The following OSBPL11 variants were observed in gnomAD, a reference collection of about 807,000 sequenced individuals.
The protein encoded by OSBPL11 is oxysterol-binding protein-related protein 11.
A neutral mutation model predicts 84.4 loss-of-function variants in OSBPL11; 33 were observed. That is an observed-to-expected ratio of 0.39 (90% CI 0.30 to 0.52). OSBPL11 has a LOEUF of 0.52. OSBPL11 is among the 20% of genes least tolerant of loss of function. The pLI is 0.72. For missense variants in OSBPL11, 736 were observed against 901.1 expected, an observed-to-expected ratio of 0.82 and a Z score of 2.35; for synonymous variants, 276 against 310.2, an observed-to-expected ratio of 0.89 and a Z score of 1.16.
chr3:125,554,568 C>A (rs1489411844), intron 8 of OSBPL11, among the ~76,000 whole-genome samples: 1 of 151,904 alleles, frequency 6.6e-6, no homozygotes, highest in Admixed American at 6.6e-5. Flanking sequence ...TCTGAGAAAA[C>A]CTCTAACTAG....
At position 125,580,004 on chromosome 3, in the gene OSBPL11, C is replaced by T. The variant is rs149464717; in HGVS notation, c.270G>A (p.Glu90=). The change falls in exon 3 of 13, where the codon GAG becomes GAA. Residue 90 remains glutamate, a synonymous_variant. Coordinates refer to ENST00000296220, the MANE Select transcript of OSBPL11 (RefSeq NM_022776.5). ...TTCTAGACTGTTCATTCACAAAGTA[C>T]TCCAACAGCCCAGCTTCATTGTTTA... is the stretch of plus-strand genomic sequence containing the variant. ...FVLNNEAGLL[E]YFVNEQSRNQ... The T allele has an allele frequency of 1.7e-4, 277 of 1,613,892 alleles. 1 individual carries two copies. The African/African-American group carries it at 3.1e-3, about 18-fold the overall frequency.
chr3:125,569,029 C>A (rs1005142033), intron 5 of OSBPL11, among the ~76,000 whole-genome samples: 1 of 151,972 alleles, frequency 6.6e-6, no homozygotes. Flanking sequence ...CTCACTGTAG[C>A]CTTGACTTCC....
chr3:125,589,175 C>T (rs2107613928), intron 1 of OSBPL11, among the ~76,000 whole-genome samples: 1 of 152,004 alleles, frequency 6.6e-6, no homozygotes. Flanking sequence ...ATGGTGGAAC[C>T]CCGTCTCTAC....
rs1211083443 is a variant in OSBPL11 at position 125,530,415 on chromosome 3, G to A, written c.*100C>T. Reference sequence around the variant, plus strand: ...TCAGGTTTAGCTAGTTTCAGTCTGCGCAATCAGGAAGCAGGTCACTCAGTG... The same window carrying A: ...TCAGGTTTAGCTAGTTTCAGTCTGCACAATCAGGAAGCAGGTCACTCAGTG... On this transcript the variant is annotated 3_prime_UTR_variant, in exon 13 of 13. Transcript: ENST00000296220. 1.0e-5 allele frequency: 11 copies of A among 1,075,304 alleles called. No individual in the cohort carries two copies. Among genetic ancestry groups the A allele is most frequent in the Middle Eastern group, 2.0e-4 (1 of 5,040 alleles). The allele number at this position is 1,075,304 out of a possible 1,614,324, so 66.6% of individuals were successfully genotyped here.
intron 1 of OSBPL11, among the ~76,000 whole-genome samples, chr3:125,587,514 G>A (rs1936532532): frequency 6.6e-6 from 1 of 152,184 alleles, no homozygotes; most frequent in South Asian, 2.1e-4. Context: ...AGATGGGCAG[G>A]GTCTAAGAGA....
At chr3:125,533,163 TTTCC>T (rs914480852) in intron 11 of OSBPL11, among the ~76,000 whole-genome samples, 1 of 151,848 alleles carries the variant, frequency 6.6e-6, no homozygotes, top group African/African-American at 2.4e-5. Flanking sequence ...TCTTCCTTTC[TTTCC>T]TCCCCCCTTC....
At chr3:125,543,340 C>T (rs1193679060) in intron 10 of OSBPL11, among the ~76,000 whole-genome samples, 1 of 151,832 alleles carries the variant, frequency 6.6e-6, no homozygotes, top group Non-Finnish European at 1.5e-5. Flanking sequence ...CCATGTTGCC[C>T]AGGCTGGTCT....
At chr3:125,533,936 C>T (rs769083490) in intron 11 of OSBPL11, among the ~76,000 whole-genome samples, 3 of 152,202 alleles carry the variant, frequency 2.0e-5, no homozygotes, top group East Asian at 1.9e-4. Context: ...ATAGAACACA[C>T]TCACCTCAGC....
intron 1 of OSBPL11, among the ~76,000 whole-genome samples, chr3:125,589,962 T>C (rs895289524): frequency 1.6e-4 from 25 of 152,364 alleles, no homozygotes; most frequent in Admixed American, 1.6e-3. Flanking sequence ...AACACCCTGG[T>C]TTGTCTTTCA....
At chr3:125,543,059 G>T (rs1935756839) in intron 10 of OSBPL11, among the ~76,000 whole-genome samples, 1 of 151,870 alleles carries the variant, frequency 6.6e-6, no homozygotes, top group Admixed American at 6.6e-5. Context: ...TTCTGTTGAG[G>T]GTCTTAAAGA....
intron 8 of OSBPL11, among the ~76,000 whole-genome samples, chr3:125,554,763 TTAAAAGA>T (rs1426981332): frequency 6.9e-6 from 1 of 145,168 alleles, no homozygotes; most frequent in Non-Finnish European, 1.5e-5. Context: ...AAAAGAAGAG[TTAAAAGA>T]TAAAAGGCGA....
chr3:125,586,118 AT>A (rs1936506309), intron 1 of OSBPL11, among the ~76,000 whole-genome samples: 1 of 152,160 alleles, frequency 6.6e-6, no homozygotes, highest in Non-Finnish European at 1.5e-5. Flanking sequence ...TTTATAGAAT[AT>A]TTTTAATGTG....
At chr3:125,541,512 C>T (rs1580036396) in intron 10 of OSBPL11, among the ~76,000 whole-genome samples, 1 of 152,182 alleles carries the variant, frequency 6.6e-6, no homozygotes, top group East Asian at 1.9e-4. Context: ...AGCCTTGTGA[C>T]TATCCCATTT....
chr3:125,584,681 CA>C (rs1936480384), intron 1 of OSBPL11, among the ~76,000 whole-genome samples: 2 of 152,170 alleles, frequency 1.3e-5, no homozygotes, highest in Non-Finnish European at 2.9e-5. Flanking sequence ...ATGTATTCTT[CA>C]AATGTATGTG....
chr3:125,590,258 T>G (rs1334222597), intron 1 of OSBPL11, among the ~76,000 whole-genome samples: 1 of 152,136 alleles, frequency 6.6e-6, no homozygotes, highest in East Asian at 1.9e-4. Flanking sequence ...TAAGTTTAAT[T>G]TTTCAAAAGG....
intron 1 of OSBPL11, among the ~76,000 whole-genome samples, chr3:125,591,615 T>C (rs1263496078): frequency 1.3e-5 from 2 of 152,196 alleles, no homozygotes; most frequent in Non-Finnish European, 2.9e-5. Flanking sequence ...CCTTCCCAGT[T>C]CAGTCTTAAG....
chr3:125,544,871 C>A (rs1260478797), intron 10 of OSBPL11, among the ~76,000 whole-genome samples: 1 of 152,128 alleles, frequency 6.6e-6, no homozygotes, highest in African/African-American at 2.4e-5. Context: ...GAATATGCTG[C>A]CCTTAAGATA....
intron 2 of OSBPL11, 107 bp from the exon 3 acceptor site, chr3:125,580,147 T>C: frequency 1.1e-6 from 1 of 928,030 alleles, no homozygotes; most frequent in Non-Finnish European, 1.6e-6. Context: ...CTCTTAAAAA[T>C]AAAATTTAAA....
Position 125,537,567 on chromosome 3 carries a change from C to A in OSBPL11, c.2024+884G>T, listed in dbSNP as rs114083180. On this transcript the variant is annotated intron_variant, in intron 11 of 12. Transcript: ENST00000296220. ...ATTATTGCTGTTATTTTTTGACCCA[C>A]TCTGAATGTTTGATTGTGGACATTT... is the stretch of plus-strand genomic sequence containing the variant. 6.7e-3 allele frequency among the ~76,000 whole-genome samples: 1,023 copies of A among 152,250 alleles called. 9 individuals carry two copies. The highest frequency in any genetic ancestry group is 0.023 in the African/African-American group (959 of 41,546).
Sources: gnomAD v4.1 joint callset for allele counts (sites outside exome capture counted in the v4.1 genomes callset) on GRCh38, gnomAD v4.1.1 for gene constraint, MANE v1.5 for transcripts, NCBI Gene and HGNC (gene_info 2026-07-23, HGNC 2026-07-21) for gene names.